TECPR2: variants seen among roughly 807,000 people sequenced by gnomAD.
TECPR2 encodes tectonin beta-propeller repeat containing 2.
In TECPR2, 65 loss-of-function variants were observed where a neutral mutation model predicts 138.1. The ratio of observed to expected loss-of-function variants is 0.47; its 90% CI spans 0.39 to 0.58. The LOEUF (loss-of-function observed/expected upper bound fraction) is 0.58. Among genes scored for constraint, TECPR2 ranks in the 20% least tolerant of loss-of-function variants. The pLI is 0.00. For synonymous variants in TECPR2, 746 were observed against 749.8 expected (o/e 0.99, Z 0.08); for missense variants, 1,553 against 1,824.5 (o/e 0.85, Z 2.71).
Position 102,499,552 on chromosome 14 carries a change from C to A in TECPR2, c.*1295C>A, listed in dbSNP as rs1333159269. On this transcript the variant is annotated 3_prime_UTR_variant, in exon 20 of 20. Transcript: ENST00000359520. Reference sequence around the variant, plus strand: ...GGCTGGCTCCGAGTGGCAGCCCATGCCTTCTGCGGGGTATGGGTTGACACT... The same window carrying A: ...GGCTGGCTCCGAGTGGCAGCCCATGACTTCTGCGGGGTATGGGTTGACACT... 3.9e-5 allele frequency: 15 copies of A among 386,464 alleles called. No homozygotes were observed. The highest frequency in any genetic ancestry group is 6.3e-5 in the Non-Finnish European group (13 of 207,102). 23.9% of individuals were successfully genotyped at this position (386,464 alleles called of 1,614,324 possible).
chr14:102,411,699 CAAAAAAAA>C (rs1173849759), intron 4 of TECPR2, among the ~76,000 whole-genome samples: 14,693 of 46,224 alleles, frequency 0.32, 406 homozygotes, highest in East Asian at 0.45. Flanking sequence ...CCATGTTGCT[CAAAAAAAA>C]AAAAAAAAAA....
intron 5 of TECPR2, among the ~76,000 whole-genome samples, chr14:102,422,624 T>C (rs1291519909): frequency 6.6e-6 from 1 of 152,212 alleles, no homozygotes; most frequent in Non-Finnish European, 1.5e-5. Context: ...TAAATTATAT[T>C]GTCTTTAGAG....
intron 15 of TECPR2, among the ~76,000 whole-genome samples, chr14:102,451,529 C>A (rs1890139515): frequency 6.6e-6 from 1 of 152,168 alleles, no homozygotes; most frequent in South Asian, 2.1e-4. Flanking sequence ...CCGGATCTCA[C>A]ATAGCTGCCT....
At chr14:102,411,698 T>TGAAAAAA (rs1219515960) in intron 4 of TECPR2, among the ~76,000 whole-genome samples, 1 of 9,670 alleles carries the variant, frequency 1.0e-4, no homozygotes, top group African/African-American at 4.6e-4. Flanking sequence ...GCCATGTTGC[T>TGAAAAAA]CAAAAAAAAA....
intron 4 of TECPR2, among the ~76,000 whole-genome samples, chr14:102,413,880 C>T (rs1013523589): frequency 6.6e-5 from 10 of 151,910 alleles, no homozygotes; most frequent in African/African-American, 2.4e-4. Context: ...CTCACTGTAA[C>T]CTGAACTCCT....
intron 17 of TECPR2, among the ~76,000 whole-genome samples, chr14:102,467,354 C>T (rs1459078488): frequency 1.8e-5 from 2 of 109,272 alleles, no homozygotes; most frequent in African/African-American, 4.0e-5. Context: ...GCCAGAGTTT[C>T]GCTCTTATTG....
At chr14:102,397,895 C>T (rs114786961) in intron 2 of TECPR2, among the ~76,000 whole-genome samples, 1,603 of 151,356 alleles carry the variant, frequency 0.011, 30 homozygotes, top group African/African-American at 0.037. Context: ...TGTTGAAACC[C>T]GGGTCATCGC....
chr14:102,480,645 A>C (rs1356667744), intron 17 of TECPR2, among the ~76,000 whole-genome samples: 1 of 151,592 alleles, frequency 6.6e-6, no homozygotes, highest in African/African-American at 2.4e-5. Flanking sequence ...TCAGCCTCCA[A>C]AATGGCTAGG....
At chr14:102,435,560 G>A (rs1396016747) in intron 9 of TECPR2, among the ~76,000 whole-genome samples, 2 of 152,200 alleles carry the variant, frequency 1.3e-5, no homozygotes, top group African/African-American at 4.8e-5. Context: ...GAAAACCAGT[G>A]GGCAGAGGAC....
rs149897090 is a variant in TECPR2 at position 102,401,723 on chromosome 14, T to C, written c.220-5615T>C. Among the ~76,000 whole-genome samples, 628 of 138,932 alleles carry C rather than the reference T, an allele frequency of 4.5e-3. 4 individuals carry two copies. Among genetic ancestry groups the C allele is most frequent in the African/African-American group, 0.017 (609 of 36,898 alleles). 91.1% of individuals were successfully genotyped at this position (138,932 alleles called of 152,430 possible). On this transcript the variant is annotated intron_variant, in intron 2 of 19. Coordinates refer to ENST00000359520, the MANE Select transcript of TECPR2 (RefSeq NM_014844.5). ...AGGAGGCTGAGGCAGGAGAATGGCG[T>C]GAACCCGGGAGGCAGAGCTTGCAGT...
At chr14:102,439,064 C>CCA (rs1889760192) in intron 10 of TECPR2, among the ~76,000 whole-genome samples, 1 of 151,988 alleles carries the variant, frequency 6.6e-6, no homozygotes, top group Non-Finnish European at 1.5e-5. Context: ...CGGGGTTTCA[C>CCA]TGTGGTAGCC....
At chr14:102,414,267 T>G (rs539648804) in intron 4 of TECPR2, among the ~76,000 whole-genome samples, 1 of 152,362 alleles carries the variant, frequency 6.6e-6, no homozygotes, top group African/African-American at 2.4e-5. Context: ...AACAGATTTC[T>G]GTTTAGATCT....
intron 8 of TECPR2, among the ~76,000 whole-genome samples, chr14:102,433,046 T>C (rs1424784541): frequency 6.6e-6 from 1 of 151,738 alleles, no homozygotes; most frequent in African/African-American, 2.4e-5. Context: ...ATGTATACCA[T>C]TGATTAAATC....
chr14:102,465,434 G>T (rs961765232), intron 17 of TECPR2, 145 bp downstream of exon 17: 3 of 1,417,040 alleles, frequency 2.1e-6, no homozygotes, highest in Non-Finnish European at 2.8e-6. Context: ...ACACACTCTC[G>T]TTCATCAACA....
At position 102,500,410 on chromosome 14, in the gene TECPR2, G is replaced by A. The variant is rs1451550859; in HGVS notation, c.*2153G>A. The A allele has an allele frequency of 6.6e-6, 1 of 152,282 alleles. No homozygotes were observed. Among genetic ancestry groups the A allele is most frequent in the African/African-American group, 2.4e-5 (1 of 41,460 alleles). The allele number at this position is 152,282 out of a possible 1,614,324, so 9.4% of individuals were successfully genotyped here. A position where few individuals can be genotyped will look rare whatever the true frequency, so the allele number is the denominator to read the frequency against. On this transcript the variant is annotated 3_prime_UTR_variant, in exon 20 of 20. Transcript: ENST00000359520. Reference sequence around the variant, plus strand: ...TGGTAGCCTCTGAGGAGGACGCTGTGGGGTGAGGTCCAGGGCTGCCTCCTC... The same window carrying A: ...TGGTAGCCTCTGAGGAGGACGCTGTAGGGTGAGGTCCAGGGCTGCCTCCTC...
chr14:102,420,959 A>G lies in TECPR2; in HGVS notation c.639-4020A>G, dbSNP rs572342882. ...GATGGCGCTTCCAGATGCTGATGTGATTGTTCACACAGGTCAGCACAGTGT... is the reference window on the plus strand; with the variant it reads ...GATGGCGCTTCCAGATGCTGATGTGGTTGTTCACACAGGTCAGCACAGTGT... On this transcript the variant is annotated intron_variant, in intron 5 of 19. Coordinates refer to ENST00000359520, the MANE Select transcript of TECPR2 (RefSeq NM_014844.5). This position sits in a 1 kb window ranked among gnomAD's most constrained non-coding sequence, Gnocchi z 4.1. Among the ~76,000 whole-genome samples the G allele has an allele frequency of 2.0e-5, 3 of 152,258 alleles. No individual in the cohort carries two copies. The highest frequency in any genetic ancestry group is 6.5e-5 in the Admixed American group (1 of 15,290).
intron 2 of TECPR2, among the ~76,000 whole-genome samples, chr14:102,385,620 T>A (rs771370201): frequency 2.0e-5 from 3 of 152,138 alleles, no homozygotes; most frequent in Non-Finnish European, 4.4e-5. Context: ...AGAAGGGGAC[T>A]CTGGGAGAAT....
intron 17 of TECPR2, among the ~76,000 whole-genome samples, chr14:102,486,452 C>CA (rs1479610633): frequency 6.6e-6 from 1 of 152,072 alleles, no homozygotes; most frequent in Non-Finnish European, 1.5e-5. Context: ...GGTGTGTGTA[C>CA]AAAATACAAA....
rs1212194046 is a variant in TECPR2 at position 102,408,594 on chromosome 14, T to C, written c.455T>C (p.Val152Ala). Residue 152 changes from valine to alanine, a missense_variant, in exon 4 of 20, where the codon GTT (valine) becomes GCT (alanine). Physicochemically the swap from Val to Ala is moderately conservative, Grantham distance 64 (BLOSUM62 0). Coordinates refer to ENST00000359520, the MANE Select transcript of TECPR2 (RefSeq NM_014844.5). ...TCTGGAGATGACAAAGGCAAAATTG[T>C]TTATTCTTCTCTGGATCTAGACCAG... ...LFSGDDKGKI[V>A]YSSLDLDQGL... The C allele has an allele frequency of 6.2e-7, 1 of 1,613,310 alleles. No individual in the cohort carries two copies. The highest frequency in any genetic ancestry group is 8.5e-7 in the Non-Finnish European group (1 of 1,179,824).
Sources: allele counts gnomAD v4.1 joint callset (sites outside exome capture counted in the v4.1 genomes callset), GRCh38; gene constraint gnomAD v4.1.1; non-coding constraint Gnocchi (gnomAD v3.1); transcripts MANE v1.5; gene names NCBI Gene and HGNC (gene_info 2026-07-23, HGNC 2026-07-21).